CNTN5: variants seen among roughly 807,000 people sequenced by gnomAD.
The protein encoded by CNTN5 is contactin 5.
CNTN5 carries 77 observed loss-of-function variants against 129.1 expected under a neutral mutation model. That is an observed-to-expected ratio of 0.60 (90% CI 0.50 to 0.72). The LOEUF (loss-of-function observed/expected upper bound fraction) is 0.72, where lower values mean the gene tolerates loss of function less well. Among genes scored for constraint, CNTN5 ranks in the 30% least tolerant of loss-of-function variants. CNTN5 has a pLI of 0.00. For missense variants in CNTN5, 1,478 were observed against 1,328.8 expected (o/e 1.11, Z -1.75); for synonymous variants, 509 against 465.6 (o/e 1.09, Z -1.20).
chr11:99,686,407 T>C (rs1953796352), intron 3 of CNTN5, among the ~76,000 whole-genome samples: 1 of 152,094 alleles, frequency 6.6e-6, no homozygotes, highest in South Asian at 2.1e-4. Flanking sequence ...GGTTTCTTTT[T>C]GCTTCCTTTT....
intron 3 of CNTN5, among the ~76,000 whole-genome samples, chr11:99,807,112 C>G (rs1272168430): frequency 2.0e-5 from 3 of 151,754 alleles, no homozygotes; most frequent in African/African-American, 7.3e-5. Flanking sequence ...AAGTGCAAAT[C>G]TAATGAAATA....
At chr11:99,648,316 A>T (rs188462231) in intron 3 of CNTN5, among the ~76,000 whole-genome samples, 41 of 151,718 alleles carry the variant, frequency 2.7e-4, no homozygotes, top group African/African-American at 9.9e-4. Flanking sequence ...TTTGTAAAAA[A>T]TGTTCAGCAT....
At chr11:99,924,840 A>T (rs1221508891) in intron 7 of CNTN5, among the ~76,000 whole-genome samples, 1 of 152,106 alleles carries the variant, frequency 6.6e-6, no homozygotes, top group Non-Finnish European at 1.5e-5. Context: ...GTTTCAATGC[A>T]GTTGTTTTTG....
At chr11:99,954,038 A>G (rs914987341) in intron 7 of CNTN5, among the ~76,000 whole-genome samples, 1 of 152,126 alleles carries the variant, frequency 6.6e-6, no homozygotes, top group Admixed American at 6.6e-5. Flanking sequence ...CAAGGGGTCC[A>G]GGTTCAGCTT....
intron 18 of CNTN5, among the ~76,000 whole-genome samples, chr11:100,285,576 G>C (rs914177977): frequency 6.6e-6 from 1 of 152,334 alleles, no homozygotes; most frequent in Middle Eastern, 3.4e-3. Context: ...GGCGAAAGGA[G>C]TAGAGGAAAA....
At chr11:99,904,037 G>A (rs920325052) in intron 6 of CNTN5, among the ~76,000 whole-genome samples, 2 of 152,088 alleles carry the variant, frequency 1.3e-5, no homozygotes, top group Admixed American at 6.6e-5. Context: ...TGTAGAGAAA[G>A]GGGAACTCTT....
chr11:99,788,446 A>T (rs1241289507), intron 3 of CNTN5, among the ~76,000 whole-genome samples: 1 of 151,968 alleles, frequency 6.6e-6, no homozygotes, highest in Non-Finnish European at 1.5e-5. Context: ...CTATAGAAAC[A>T]TCTCATTAAT....
intron 3 of CNTN5, among the ~76,000 whole-genome samples, chr11:99,725,876 G>A (rs549865509): frequency 6.6e-6 from 1 of 152,236 alleles, no homozygotes; most frequent in African/African-American, 2.4e-5. Context: ...CTGTAATGTG[G>A]CCTTTTAAAT....
intron 2 of CNTN5, among the ~76,000 whole-genome samples, chr11:99,433,503 T>C (rs1245007483): frequency 6.6e-6 from 1 of 152,094 alleles, no homozygotes; most frequent in Admixed American, 6.6e-5. Context: ...TTCACATTTC[T>C]AGTAAGGTGC....
intron 3 of CNTN5, among the ~76,000 whole-genome samples, chr11:99,592,240 T>C (rs1950001007): frequency 6.6e-6 from 1 of 152,174 alleles, no homozygotes; most frequent in African/African-American, 2.4e-5. Flanking sequence ...TTAAAAGCCA[T>C]GGAACAGGAT....
intron 16 of CNTN5, among the ~76,000 whole-genome samples, chr11:100,250,907 G>A (rs760580656): frequency 6.6e-6 from 1 of 152,064 alleles, no homozygotes; most frequent in Non-Finnish European, 1.5e-5. Context: ...GTCTCCCACT[G>A]AGCCTTGCAC....
chr11:99,215,686 A>G (rs923639893), intron 1 of CNTN5, among the ~76,000 whole-genome samples: 2 of 152,146 alleles, frequency 1.3e-5, no homozygotes, highest in African/African-American at 4.8e-5. Flanking sequence ...TAAAATCATG[A>G]TCAGTACCTC....
intron 7 of CNTN5, among the ~76,000 whole-genome samples, chr11:99,945,352 T>TACA (rs1950530580): frequency 6.6e-6 from 1 of 152,088 alleles, no homozygotes; most frequent in African/African-American, 2.4e-5. Context: ...TGTATGACTG[T>TACA]CCTGCAAAGT....
intron 1 of CNTN5, among the ~76,000 whole-genome samples, chr11:99,306,376 GA>G (rs1864874432): frequency 6.6e-6 from 1 of 151,924 alleles, no homozygotes; most frequent in Non-Finnish European, 1.5e-5. Context: ...TGAGATAGTG[GA>G]CAAAAAAAGT....
chr11:99,517,838 G>A (rs999129577), intron 2 of CNTN5, among the ~76,000 whole-genome samples: 1 of 151,974 alleles, frequency 6.6e-6, no homozygotes. Context: ...TTCTTTGATC[G>A]TTAGTCTGGG....
chr11:99,499,288 A>G lies in CNTN5; in HGVS notation c.-70-56857A>G, dbSNP rs143421027. On this transcript the variant is annotated intron_variant, in intron 2 of 24. Coordinates refer to ENST00000524871, the MANE Select transcript of CNTN5 (RefSeq NM_014361.4). ...TGAATGTGTCCCCTCCAAAATTCAA[A>G]TGTTCCCAGTGTGATAGTATGTAGA... is the stretch of plus-strand genomic sequence containing the variant. Among the ~76,000 whole-genome samples the G allele has an allele frequency of 4.5e-3, 685 of 152,276 alleles. 4 individuals are homozygous for G. Among genetic ancestry groups the G allele is most frequent in the African/African-American group, 0.015 (633 of 41,548 alleles).
chr11:100,099,242 A>G (rs1945131651), intron 13 of CNTN5, among the ~76,000 whole-genome samples: 1 of 152,086 alleles, frequency 6.6e-6, no homozygotes, highest in Non-Finnish European at 1.5e-5. Context: ...AACTGGAATA[A>G]CCAACTGTCC....
At chr11:99,676,486 C>T (rs1953289374) in intron 3 of CNTN5, among the ~76,000 whole-genome samples, 1 of 152,158 alleles carries the variant, frequency 6.6e-6, no homozygotes. Flanking sequence ...GGCCCCTCAC[C>T]AGGCCTCTGC....
At chr11:99,954,218 C>A (rs990930074) in intron 7 of CNTN5, among the ~76,000 whole-genome samples, 3 of 152,160 alleles carry the variant, frequency 2.0e-5, no homozygotes, top group Non-Finnish European at 4.4e-5. Context: ...CATGCAAAAG[C>A]ATTCTCGAGG....
Sources: gnomAD v4.1 joint callset for allele counts (sites outside exome capture counted in the v4.1 genomes callset) on GRCh38, gnomAD v4.1.1 for gene constraint, MANE v1.5 for transcripts, NCBI Gene and HGNC (gene_info 2026-07-23, HGNC 2026-07-21) for gene names.